Variants in IQCM observed in about 807,000 individuals in gnomAD.
The protein encoded by IQCM is IQ motif containing M, also known as IQ domain-containing protein M.
IQCM carries 45 observed loss-of-function variants against 57.6 expected under a neutral mutation model. That is an observed-to-expected ratio of 0.78 (90% confidence interval 0.62 to 1.00). IQCM has a LOEUF of 1.00. IQCM is among the 50% of genes least tolerant of loss of function. The pLI is 0.00. For synonymous variants in IQCM, 148 were observed against 158.9 expected, an observed-to-expected ratio of 0.93 and a Z score of 0.51; for missense variants, 468 against 511.6, an observed-to-expected ratio of 0.91 and a Z score of 0.82.
At chr4:149,429,759 A>G (rs1444970811) in intron 13 of IQCM, among the ~76,000 whole-genome samples, 1 of 151,934 alleles carries the variant, frequency 6.6e-6, no homozygotes, top group East Asian at 1.9e-4. Context: ...GCACCTCTGT[A>G]ATAGACTAAT....
At chr4:149,737,948 C>T (rs1197461913) in intron 3 of IQCM, among the ~76,000 whole-genome samples, 1 of 152,132 alleles carries the variant, frequency 6.6e-6, no homozygotes, top group Non-Finnish European at 1.5e-5. Flanking sequence ...ATAATTACAA[C>T]ATTGTCATGT....
At chr4:149,481,705 T>TGTTTTTTTTTTTTTTGTTTG (rs1553975400) in intron 12 of IQCM, among the ~76,000 whole-genome samples, 2 of 133,126 alleles carry the variant, frequency 1.5e-5, no homozygotes, top group African/African-American at 5.7e-5. Flanking sequence ...AGTTTTGTTT[T>TGTTTTTTTTTTTTTTGTTTG]TTTTTTTTTT....
At chr4:149,585,419 A>T (rs1480855516) in intron 9 of IQCM, among the ~76,000 whole-genome samples, 1 of 151,754 alleles carries the variant, frequency 6.6e-6, no homozygotes, top group Non-Finnish European at 1.5e-5. Flanking sequence ...AGGATTTCAA[A>T]TAAAGAAGAG....
chr4:149,800,996 GA>G (rs1729557643), intron 2 of IQCM, among the ~76,000 whole-genome samples: 1 of 151,774 alleles, frequency 6.6e-6, no homozygotes, highest in South Asian at 2.1e-4. Context: ...AATTGATATG[GA>G]ATCACAAAAG....
chr4:149,418,131 C>A (rs1008442048), intron 13 of IQCM, among the ~76,000 whole-genome samples: 6 of 146,820 alleles, frequency 4.1e-5, no homozygotes, highest in African/African-American at 1.5e-4. Flanking sequence ...AGAGAGAGAC[C>A]AAAAGACCCT....
At chr4:149,424,120 A>G (rs1734307462) in intron 13 of IQCM, among the ~76,000 whole-genome samples, 2 of 151,962 alleles carry the variant, frequency 1.3e-5, no homozygotes, top group Non-Finnish European at 2.9e-5. Flanking sequence ...AGGATAAATA[A>G]GTGGAATGTT....
chr4:149,580,500 T>A (rs1489661446), intron 9 of IQCM, among the ~76,000 whole-genome samples: 1 of 151,834 alleles, frequency 6.6e-6, no homozygotes, highest in Non-Finnish European at 1.5e-5. Context: ...AATTTAATTT[T>A]ATAGCTATTT....
intron 2 of IQCM, among the ~76,000 whole-genome samples, chr4:149,793,166 G>C (rs1483934119): frequency 2.6e-5 from 4 of 152,148 alleles, no homozygotes; most frequent in African/African-American, 9.7e-5. Context: ...AAAGTAGATA[G>C]CTACCTTCTG....
At chr4:149,528,265 C>T (rs1193883343) in intron 12 of IQCM, among the ~76,000 whole-genome samples, 7 of 152,138 alleles carry the variant, frequency 4.6e-5, no homozygotes, top group South Asian at 2.1e-4. Flanking sequence ...GGATTACAGG[C>T]GTGAGCCACC....
chr4:149,366,973 C>A (rs1729888943), intron 13 of IQCM, among the ~76,000 whole-genome samples: 1 of 151,978 alleles, frequency 6.6e-6, no homozygotes, highest in Non-Finnish European at 1.5e-5. Context: ...ACTAATAAAA[C>A]TAACAATGAG....
At chr4:149,471,690 A>G (rs1233426405) in intron 12 of IQCM, among the ~76,000 whole-genome samples, 1 of 152,178 alleles carries the variant, frequency 6.6e-6, no homozygotes, top group African/African-American at 2.4e-5. Context: ...TTAGACCAAT[A>G]ACCCTGATGA....
At chr4:149,482,323 A>T (rs1386895408) in intron 12 of IQCM, among the ~76,000 whole-genome samples, 3 of 151,940 alleles carry the variant, frequency 2.0e-5, no homozygotes, top group Non-Finnish European at 4.4e-5. Flanking sequence ...ATGTTGAATA[A>T]CAGTGGTGAA....
chr4:149,391,740 G>C (rs189977529), intron 13 of IQCM, among the ~76,000 whole-genome samples: 1 of 151,734 alleles, frequency 6.6e-6, no homozygotes, highest in Non-Finnish European at 1.5e-5. Flanking sequence ...TGATTCATTG[G>C]CTATTTAGGA....
At chr4:149,632,878 T>C (rs920623389) in intron 7 of IQCM, among the ~76,000 whole-genome samples, 2 of 152,082 alleles carry the variant, frequency 1.3e-5, no homozygotes, top group Non-Finnish European at 2.9e-5. Context: ...AAAGCAAATA[T>C]CGGCCGGGCG....
At chr4:149,381,791 T>C (rs1731097131) in intron 13 of IQCM, among the ~76,000 whole-genome samples, 1 of 151,992 alleles carries the variant, frequency 6.6e-6, no homozygotes, top group East Asian at 1.9e-4. Context: ...GGAGTTTGGA[T>C]GGAGTTTAGA....
chr4:149,543,306 T>G lies in IQCM; in HGVS notation c.1228+5149A>C, dbSNP rs866692207. 2.6e-5 allele frequency among the ~76,000 whole-genome samples: 4 copies of G among 152,232 alleles called. No individual in the cohort carries two copies. The South Asian group carries it at 6.2e-4, about 24-fold the overall frequency. Reference sequence around the variant, plus strand: ...CTGATAAGTATTGTTAAAAACAATATATTCAAACTATATGTGGAAAATCTG... The same window carrying G: ...CTGATAAGTATTGTTAAAAACAATAGATTCAAACTATATGTGGAAAATCTG... On this transcript the variant is annotated intron_variant, in intron 12 of 13. Coordinates refer to ENST00000636793, the MANE Select transcript of IQCM (RefSeq NM_001363507.2).
At chr4:149,448,669 A>T (rs1485411920) in intron 12 of IQCM, among the ~76,000 whole-genome samples, 3 of 151,844 alleles carry the variant, frequency 2.0e-5, no homozygotes, top group African/African-American at 7.2e-5. Flanking sequence ...GCATCTACAG[A>T]TAATTAAAAT....
chr4:149,400,144 T>C lies in IQCM; in HGVS notation c.1390+33252A>G, dbSNP rs370974266. 1.0e-3 allele frequency among the ~76,000 whole-genome samples: 154 copies of C among 151,824 alleles called. 5 individuals are homozygous for C. In the South Asian group the frequency reaches 0.031, roughly 31 times the overall value. On this transcript the variant is annotated intron_variant, in intron 13 of 13. Transcript: ENST00000636793. ...TGCTTATGATGTCATGTAACACTAT[T>C]ATGGTCAATGAGAGAAGAGAATGTG...
chr4:149,412,969 G>C (rs1467168578), intron 13 of IQCM, among the ~76,000 whole-genome samples: 8 of 152,166 alleles, frequency 5.3e-5, no homozygotes, highest in African/African-American at 1.9e-4. Context: ...AGACTGTGAA[G>C]GAGTCTGAGT....
Sources: gnomAD v4.1 joint callset for allele counts (sites outside exome capture counted in the v4.1 genomes callset) on GRCh38, gnomAD v4.1.1 for gene constraint, MANE v1.5 for transcripts, NCBI Gene and HGNC (gene_info 2026-07-23, HGNC 2026-07-21) for gene names.